Variants in CA10 observed in about 807,000 individuals in gnomAD.
CA10 encodes carbonic anhydrase-related protein 10.
In CA10, 14 loss-of-function variants were observed where a neutral mutation model predicts 44.2. The ratio of observed to expected loss-of-function variants is 0.32; its 90% CI spans 0.21 to 0.50. CA10 has a LOEUF of 0.50. Among genes scored for constraint, CA10 ranks in the 20% least tolerant of loss-of-function variants. CA10 has a pLI of 0.99. For missense variants in CA10, 350 were observed against 409.7 expected (o/e 0.85, Z 1.26); for synonymous variants, 159 against 141.6 (o/e 1.12, Z -0.87).
intron 3 of CA10, among the ~76,000 whole-genome samples, chr17:51,754,446 TATCACGTAAA>T (rs1905017360): frequency 9.6e-6 from 1 of 104,210 alleles, no homozygotes; most frequent in Non-Finnish European, 2.0e-5. Flanking sequence ...TATATATATA[TATCACGTAAA>T]ATAAAGAGAT....
intron 1 of CA10, among the ~76,000 whole-genome samples, chr17:52,088,896 A>G (rs1292875269): frequency 6.6e-6 from 1 of 152,238 alleles, no homozygotes; most frequent in Non-Finnish European, 1.5e-5. Context: ...AAAAATTACC[A>G]AGCACAAAAG....
intron 1 of CA10, among the ~76,000 whole-genome samples, chr17:52,112,075 A>G (rs1021178779): frequency 2.6e-5 from 4 of 152,170 alleles, no homozygotes; most frequent in African/African-American, 7.2e-5. Context: ...CCTAAAGACT[A>G]GTTGTTGAAT....
intron 1 of CA10, among the ~76,000 whole-genome samples, chr17:52,149,959 G>A (rs1428573843): frequency 1.3e-5 from 2 of 152,130 alleles, no homozygotes; most frequent in Non-Finnish European, 2.9e-5. Flanking sequence ...GAAAATGGGT[G>A]ATTTTTACTG....
chr17:51,652,183 A>T (rs148744660), intron 5 of CA10, among the ~76,000 whole-genome samples: 1 of 152,368 alleles, frequency 6.6e-6, no homozygotes, highest in African/African-American at 2.4e-5. Context: ...GTTATAAGCG[A>T]CATGAACTTG....
At chr17:51,753,627 C>CA (rs1414800164) in intron 3 of CA10, among the ~76,000 whole-genome samples, 3 of 152,102 alleles carry the variant, frequency 2.0e-5, no homozygotes, top group Admixed American at 6.5e-5. Context: ...TCTCCCTCAC[C>CA]AAACCCAGCA....
chr17:51,690,922 AG>A (rs1915173712), intron 4 of CA10, among the ~76,000 whole-genome samples: 1 of 151,666 alleles, frequency 6.6e-6, no homozygotes, highest in Non-Finnish European at 1.5e-5. Flanking sequence ...TTTTTTTTTA[AG>A]GCTGAGTAGT....
chr17:52,056,566 T>C (rs1033320113), intron 2 of CA10, among the ~76,000 whole-genome samples: 7 of 152,132 alleles, frequency 4.6e-5, no homozygotes, highest in South Asian at 2.1e-4. Flanking sequence ...AAGACTGTTA[T>C]AGAAACTACA....
At chr17:52,143,367 A>C (rs1040206242) in intron 1 of CA10, among the ~76,000 whole-genome samples, 3 of 152,216 alleles carry the variant, frequency 2.0e-5, no homozygotes, top group Admixed American at 2.0e-4. Flanking sequence ...AAAGCTTAGA[A>C]AGAAACAAAC....
intron 6 of CA10, among the ~76,000 whole-genome samples, chr17:51,645,504 T>G (rs900581522): frequency 1.3e-5 from 2 of 152,210 alleles, no homozygotes; most frequent in African/African-American, 2.4e-5. Flanking sequence ...TAGGTCAGGA[T>G]GTACTTGAAC....
At chr17:52,153,874 C>T (rs949172197) in intron 1 of CA10, among the ~76,000 whole-genome samples, 1 of 152,088 alleles carries the variant, frequency 6.6e-6, no homozygotes, top group Non-Finnish European at 1.5e-5. Context: ...GTTGATAGAA[C>T]AAACATGTGA....
chr17:51,741,858 T>C (rs886129919), intron 4 of CA10, among the ~76,000 whole-genome samples: 7 of 152,222 alleles, frequency 4.6e-5, no homozygotes, highest in Non-Finnish European at 8.8e-5. Flanking sequence ...ATGGTTCCAA[T>C]AGAAGTGAGA....
chr17:51,797,564 G>C (rs1373977770), intron 3 of CA10, among the ~76,000 whole-genome samples: 1 of 152,062 alleles, frequency 6.6e-6, no homozygotes, highest in Non-Finnish European at 1.5e-5. Flanking sequence ...CCCTTAAAAA[G>C]AAAGGAAGAG....
intron 5 of CA10, among the ~76,000 whole-genome samples, chr17:51,650,122 G>A (rs1913509308): frequency 6.6e-6 from 1 of 152,150 alleles, no homozygotes; most frequent in African/African-American, 2.4e-5. Context: ...AAATTCCTCT[G>A]TTGGGAGAAG....
chr17:51,817,872 A>G (rs1358280659), intron 3 of CA10, among the ~76,000 whole-genome samples: 3 of 152,196 alleles, frequency 2.0e-5, no homozygotes, highest in Non-Finnish European at 4.4e-5. Context: ...TATAAAGACA[A>G]GCATAGTCAA....
At chr17:51,858,393 C>T (rs1293233530) in intron 3 of CA10, among the ~76,000 whole-genome samples, 1 of 152,026 alleles carries the variant, frequency 6.6e-6, no homozygotes, top group Admixed American at 6.6e-5. Context: ...ACAAGGAGTC[C>T]CCACAGTCTA....
chr17:52,128,630 G>A (rs1399620768), intron 1 of CA10, among the ~76,000 whole-genome samples: 3 of 152,078 alleles, frequency 2.0e-5, no homozygotes, highest in Admixed American at 2.0e-4. Flanking sequence ...GTCTTCATGT[G>A]AGTTAATTTA....
At position 51,633,547 on chromosome 17, in the gene CA10, C is replaced by T. The variant is rs150340903; in HGVS notation, c.893G>A (p.Arg298His). The T allele has an allele frequency of 5.3e-5, 86 of 1,613,978 alleles. No individual in the cohort carries two copies. Among genetic ancestry groups the T allele is most frequent in the Admixed American group, 8.3e-5 (5 of 60,004 alleles). ...PVQPLNNRCI[R>H]TNINFSLQGK... is the part of the protein sequence containing the mutation. ...CTGTAAACTGAAGTTGATATTGGTG[C>T]GGATGCAGCGGTTGTTGAGTGGCTG... The change falls in exon 8 of 9, where the codon CGC becomes CAC. Residue 298 changes from arginine to histidine, a missense_variant. Arg to His is a conservative substitution (Grantham distance 29, BLOSUM62 0). Transcript: ENST00000451037.
chr17:51,826,405 A>G (rs1429620704), intron 3 of CA10, among the ~76,000 whole-genome samples: 2 of 152,186 alleles, frequency 1.3e-5, no homozygotes, highest in Admixed American at 6.5e-5. Flanking sequence ...TGTGTAAAAT[A>G]TGGATAATTA....
intron 1 of CA10, among the ~76,000 whole-genome samples, chr17:52,144,308 C>A (rs1313654250): frequency 6.6e-6 from 1 of 152,134 alleles, no homozygotes; most frequent in Admixed American, 6.5e-5. Flanking sequence ...CTTTATTGCT[C>A]TGGCAAATGA....
Sources: gnomAD v4.1 joint callset for allele counts (sites outside exome capture counted in the v4.1 genomes callset) on GRCh38, gnomAD v4.1.1 for gene constraint, MANE v1.5 for transcripts, NCBI Gene and HGNC (gene_info 2026-07-23, HGNC 2026-07-21) for gene names.